ANKS3: variants seen among roughly 807,000 people sequenced by gnomAD.
The protein encoded by ANKS3 is ankyrin repeat and SAM domain-containing protein 3.
In ANKS3, 62 loss-of-function variants were observed where a neutral mutation model predicts 80.7. The observed-to-expected ratio is 0.77, with a 90% confidence interval of 0.63 to 0.95. The LOEUF (loss-of-function observed/expected upper bound fraction) is 0.95. ANKS3 is among the 40% of genes least tolerant of loss of function. The pLI is 0.00. For synonymous variants in ANKS3, 489 were observed against 355.3 expected, an observed-to-expected ratio of 1.38 and a Z score of -4.23; for missense variants, 1,150 against 883.6, an observed-to-expected ratio of 1.30 and a Z score of -3.82.
chr16:4,697,949 C>G (rs1474193263), intron 15 of ANKS3, 28 bp downstream of exon 15: 1 of 1,532,368 alleles, frequency 6.5e-7, no homozygotes. Flanking sequence ...CCCCTCTGCC[C>G]AGTGCGGAGT....
At chr16:4,709,563 C>G (rs2080378313) in intron 7 of ANKS3, among the ~76,000 whole-genome samples, 1 of 152,172 alleles carries the variant, frequency 6.6e-6, no homozygotes, top group African/African-American at 2.4e-5. Context: ...GAGAATCAAC[C>G]TGTGTCCATC....
chr16:4,707,431 G>A (rs2080257613), intron 7 of ANKS3, among the ~76,000 whole-genome samples: 1 of 151,994 alleles, frequency 6.6e-6, no homozygotes, highest in African/African-American at 2.4e-5. Flanking sequence ...GTAAGTATGT[G>A]CCACCATGCC....
At position 4,731,495 on chromosome 16, in the gene ANKS3, G is replaced by C. The variant is rs2081615821; in HGVS notation, c.-3+17C>G. The C allele has an allele frequency of 3.5e-6, 1 of 287,904 alleles. No homozygotes were observed. Among genetic ancestry groups the C allele is most frequent in the Non-Finnish European group, 5.2e-6 (1 of 192,232 alleles). 17.8% of individuals were successfully genotyped at this position (287,904 alleles called of 1,614,324 possible). Reference sequence around the variant, plus strand: ...GGGGTTTCACCATGTTGGCCAGGCTGGTCTCGAACTCCTCACCTCAGGTGA... The same window carrying C: ...GGGGTTTCACCATGTTGGCCAGGCTCGTCTCGAACTCCTCACCTCAGGTGA... On this transcript the variant is annotated intron_variant, in intron 2 of 17. Coordinates refer to ENST00000304283, the MANE Select transcript of ANKS3 (RefSeq NM_133450.4).
chr16:4,717,271 G>T (rs943344720), intron 6 of ANKS3, among the ~76,000 whole-genome samples: 1 of 151,880 alleles, frequency 6.6e-6, no homozygotes, highest in African/African-American at 2.4e-5. Flanking sequence ...TTTCTTGGCT[G>T]GGCACAGAGG....
At chr16:4,722,946 A>G (rs1304758399) in intron 6 of ANKS3, among the ~76,000 whole-genome samples, 2 of 151,758 alleles carry the variant, frequency 1.3e-5, no homozygotes, top group East Asian at 1.9e-4. Context: ...AAAAAAAAAG[A>G]AAAAAATTTC....
At chr16:4,724,639 G>T in intron 6 of ANKS3, 111 bp downstream of exon 6, 2 of 1,047,130 alleles carry the variant, frequency 1.9e-6, no homozygotes, top group African/African-American at 1.6e-5. Context: ...TTGAATAAAT[G>T]AATGAAAGTT....
chr16:4,718,478 G>A (rs534063834), intron 6 of ANKS3, among the ~76,000 whole-genome samples: 2 of 152,338 alleles, frequency 1.3e-5, no homozygotes, highest in South Asian at 2.1e-4. Context: ...GGAAATGGGG[G>A]ACAAGGAAAG....
At chr16:4,697,938 T>C (rs2079664627) in intron 15 of ANKS3, 39 bp downstream of exon 15, 1 of 1,474,142 alleles carries the variant, frequency 6.8e-7, no homozygotes, top group Non-Finnish European at 9.0e-7. Flanking sequence ...TCCCCCACCT[T>C]CCCCTCTGCC....
chr16:4,715,579 G>C (rs898741208), intron 6 of ANKS3, among the ~76,000 whole-genome samples: 1 of 152,110 alleles, frequency 6.6e-6, no homozygotes, highest in African/African-American at 2.4e-5. Flanking sequence ...CTGGGCAATA[G>C]AGCGAGACCT....
intron 6 of ANKS3, among the ~76,000 whole-genome samples, chr16:4,716,396 A>C (rs539752385): frequency 1.3e-5 from 2 of 150,842 alleles, no homozygotes; most frequent in East Asian, 3.9e-4. Flanking sequence ...ACAACCCTTA[A>C]GGAGTTTTGC....
At chr16:4,709,149 G>A (rs1034014592) in intron 7 of ANKS3, among the ~76,000 whole-genome samples, 2 of 151,816 alleles carry the variant, frequency 1.3e-5, no homozygotes, top group African/African-American at 4.8e-5. Flanking sequence ...GTTCATGCCT[G>A]TAATCCCAGC....
chr16:4,698,671 T>A, intron 13 of ANKS3, 72 bp from the exon 14 acceptor site: 1 of 1,528,578 alleles, frequency 6.5e-7, no homozygotes, highest in Non-Finnish European at 8.8e-7. Context: ...CACGGCCCTG[T>A]CCTGTGTGTG....
At position 4,699,899 on chromosome 16, in the gene ANKS3, A is replaced by T. The variant is rs1312046303; in HGVS notation, c.1285-723T>A. ...CCAGAAATCCTACTTTTGAGAGTTTATTGCTTTTAATGGACAAACAAATGT... is the reference window on the plus strand; with the variant it reads ...CCAGAAATCCTACTTTTGAGAGTTTTTTGCTTTTAATGGACAAACAAATGT... On this transcript the variant is annotated intron_variant, in intron 11 of 17. Coordinates refer to ENST00000304283, the MANE Select transcript of ANKS3 (RefSeq NM_133450.4). The T allele has an allele frequency of 2.6e-5, 4 of 152,294 alleles. No individual in the cohort carries two copies. In the East Asian group the frequency reaches 7.7e-4, roughly 29 times the overall value. The allele number at this position is 152,294 out of a possible 1,614,324, so 9.4% of individuals were successfully genotyped here.
Position 4,714,184 on chromosome 16 carries a change from T to G in ANKS3, c.576A>C (p.Gly192=), listed in dbSNP as rs753132914. The part of the protein sequence containing the change: ...EIIVQYFLNH[G]VKVDARDHSG... ...TGTGGTCTCTCGCGTCCACCTTGAC[T>G]CCCTGTGAATGTCCGTGAAAGGGGG... Residue 192 remains glycine, a splice_region_variant and synonymous_variant, in exon 7 of 18, where the codon GGA becomes GGC. Coordinates refer to ENST00000304283, the MANE Select transcript of ANKS3 (RefSeq NM_133450.4). 1 of 1,613,970 alleles carries G rather than the reference T, an allele frequency of 6.2e-7. No homozygotes were observed. The highest frequency in any genetic ancestry group is 2.2e-5 in the East Asian group (1 of 44,860).
At chr16:4,711,718 CAAAA>C (rs34030042) in intron 7 of ANKS3, among the ~76,000 whole-genome samples, 42 of 56,802 alleles carry the variant, frequency 7.4e-4, no homozygotes, top group African/African-American at 2.6e-3. Context: ...AACTCTGTCT[CAAAA>C]AAAAAAAAAA....
intron 3 of ANKS3, 53 bp from the exon 4 acceptor site, chr16:4,727,230 TCACCAAAGC>T: frequency 6.3e-7 from 1 of 1,586,234 alleles, no homozygotes; most frequent in South Asian, 1.1e-5. Flanking sequence ...CATGTGGGGT[TCACCAAAGC>T]TGGTGGCGAG....
chr16:4,696,519 C>G lies in ANKS3; in HGVS notation c.*389G>C, dbSNP rs2079562805. The stretch of plus-strand genomic sequence containing the variant: ...AGAACTGAGCCCTTCACTAGCTGTT[C>G]TTAAATTTTATTTTCCAAAAAATGG... On this transcript the variant is annotated 3_prime_UTR_variant, in exon 18 of 18. Coordinates refer to ENST00000304283, the MANE Select transcript of ANKS3 (RefSeq NM_133450.4). The G allele has an allele frequency of 5.8e-6, 1 of 172,894 alleles. No homozygotes were observed. Among genetic ancestry groups the G allele is most frequent in the Non-Finnish European group, 1.2e-5 (1 of 80,520 alleles). 10.7% of individuals were successfully genotyped at this position (172,894 alleles called of 1,614,324 possible).
intron 3 of ANKS3, chr16:4,728,077 G>A (rs860896): frequency 0.46 from 69,801 of 151,712 alleles, 17,890 homozygotes; most frequent in East Asian, 0.65. Flanking sequence ...ACAGAGTCTC[G>A]CTCTGTCGCC....
In ANKS3 at chr16:4,705,037, C is replaced by G. The variant is rs574356534; in HGVS notation, c.868+58G>C. On this transcript the variant is annotated intron_variant, in intron 8 of 17. Transcript: ENST00000304283. ...AGCCTAAGAGCTATTCCATTCTTGC[C>G]AACACAAAATCCTGGTATGCAATGA... 321 of 1,588,424 alleles carry G rather than the reference C, an allele frequency of 2.0e-4. 1 individual carries two copies. The highest frequency in any genetic ancestry group is 7.5e-4 in the African/African-American group (56 of 74,332).
Sources: allele counts gnomAD v4.1 joint callset (sites outside exome capture counted in the v4.1 genomes callset), GRCh38; gene constraint gnomAD v4.1.1; transcripts MANE v1.5; gene names NCBI Gene and HGNC (gene_info 2026-07-23, HGNC 2026-07-21).